KAZN: variants seen among roughly 807,000 people sequenced by gnomAD.
KAZN encodes the protein kazrin.
In KAZN, 40 loss-of-function variants were observed where a neutral mutation model predicts 87.4. That is an observed-to-expected ratio of 0.46 (90% CI 0.36 to 0.60). The LOEUF (loss-of-function observed/expected upper bound fraction) is 0.60, where lower values mean the gene tolerates loss of function less well. Among genes scored for constraint, KAZN ranks in the 20% least tolerant of loss-of-function variants. The probability of loss-of-function intolerance (pLI) is 0.00; values close to 1 mark genes in which losing one functional copy is unlikely to be tolerated. For missense variants in KAZN, 898 were observed against 1,073.9 expected, an observed-to-expected ratio of 0.84 and a Z score of 2.29; for synonymous variants, 466 against 458.3, an observed-to-expected ratio of 1.02 and a Z score of -0.22.
At chr1:14,475,436 G>A (rs542354086) in intron 2 of KAZN, among the ~76,000 whole-genome samples, 1 of 152,208 alleles carries the variant, frequency 6.6e-6, no homozygotes, top group Non-Finnish European at 1.5e-5. Flanking sequence ...GGACACAGTA[G>A]TCATTGTTAT....
intron 1 of KAZN, among the ~76,000 whole-genome samples, chr1:14,133,144 G>A (rs930286071): frequency 1.3e-5 from 2 of 152,028 alleles, no homozygotes; most frequent in South Asian, 2.1e-4. Flanking sequence ...CAAGGTGGGC[G>A]GATCATGAGG....
chr1:15,104,469 A>G (rs1266179202), intron 13 of KAZN, among the ~76,000 whole-genome samples: 1 of 152,202 alleles, frequency 6.6e-6, no homozygotes, highest in East Asian at 1.9e-4. Context: ...TAGAGAAGAG[A>G]TAGCAAGCAG....
intron 2 of KAZN, among the ~76,000 whole-genome samples, chr1:14,420,964 G>A (rs889227618): frequency 1.3e-5 from 2 of 148,598 alleles, no homozygotes; most frequent in African/African-American, 4.9e-5. Context: ...CGCCAGCCCA[G>A]AGAGGGGGCT....
intron 2 of KAZN, among the ~76,000 whole-genome samples, chr1:14,987,910 C>G (rs1666988548): frequency 2.0e-5 from 3 of 152,280 alleles, no homozygotes; most frequent in South Asian, 4.1e-4. Flanking sequence ...GCTGCAGAAG[C>G]CACAGGACAT....
chr1:14,159,195 A>G (rs895574594), intron 1 of KAZN, among the ~76,000 whole-genome samples: 2 of 152,194 alleles, frequency 1.3e-5, no homozygotes, highest in African/African-American at 2.4e-5. Flanking sequence ...CTTCAAGGTG[A>G]TGAGTTCCCC....
chr1:14,128,310 TGAGTCATGCTGTGTTAGTTTGCTAAGAGG>T (rs70997117), intron 1 of KAZN, among the ~76,000 whole-genome samples: 85,453 of 150,466 alleles, frequency 0.57, 25,499 homozygotes, highest in East Asian at 0.76. Flanking sequence ...ATCAGCTCAG[TGAGTCATGCTGTGTTAGTTTGCTAAGAGG>T]GAGTCATGCT....
At chr1:14,532,776 C>T (rs1015005140) in intron 2 of KAZN, among the ~76,000 whole-genome samples, 2 of 151,766 alleles carry the variant, frequency 1.3e-5, no homozygotes, top group African/African-American at 4.8e-5. Context: ...CAGTTTCATC[C>T]ATGTCCCTAC....
chr1:14,445,855 C>T (rs969934822), intron 2 of KAZN, among the ~76,000 whole-genome samples: 1 of 152,048 alleles, frequency 6.6e-6, no homozygotes, highest in African/African-American at 2.4e-5. Flanking sequence ...AGGGTTCCCG[C>T]CAGCAGGGAG....
At chr1:15,067,501 C>T in intron 8 of KAZN, 1 of 985,490 alleles carries the variant, frequency 1.0e-6, no homozygotes, top group Non-Finnish European at 1.2e-6. Flanking sequence ...TATTCTTTTG[C>T]TTCTGCTCGT....
At chr1:14,135,199 T>C (rs6700441) in intron 1 of KAZN, among the ~76,000 whole-genome samples, 87,138 of 152,042 alleles carry the variant, frequency 0.57, 26,268 homozygotes, top group East Asian at 0.76. Flanking sequence ...TGCTCATCTC[T>C]GCTTCCTTCA....
At chr1:14,028,410 T>C (rs1241294480) in intron 1 of KAZN, among the ~76,000 whole-genome samples, 1 of 152,158 alleles carries the variant, frequency 6.6e-6, no homozygotes, top group Non-Finnish European at 1.5e-5. Context: ...ATTTGTCTAC[T>C]ATCTAATCAC....
chr1:13,982,767 G>A (rs1209039362), intron 1 of KAZN, among the ~76,000 whole-genome samples: 3 of 152,214 alleles, frequency 2.0e-5, no homozygotes, highest in Non-Finnish European at 2.9e-5. Flanking sequence ...AGAGCAGCTA[G>A]ATACAGAGTG....
intron 1 of KAZN, among the ~76,000 whole-genome samples, chr1:14,757,356 C>T (rs1161994083): frequency 6.6e-6 from 1 of 152,156 alleles, no homozygotes; most frequent in African/African-American, 2.4e-5. Context: ...CAGCTGGCTA[C>T]TGAAACCGGA....
intron 2 of KAZN, among the ~76,000 whole-genome samples, chr1:14,243,676 ATAAT>A (rs1319186442): frequency 6.6e-6 from 1 of 152,212 alleles, no homozygotes; most frequent in Non-Finnish European, 1.5e-5. Context: ...AAACAAATAA[ATAAT>A]AAAAGAATTT....
intron 1 of KAZN, among the ~76,000 whole-genome samples, chr1:14,695,510 C>CTTTTTTTTTTTTTTTTTTTTTTTTTTTT (rs112667110): frequency 0.015 from 1,273 of 84,716 alleles, 259 homozygotes; most frequent in Middle Eastern, 0.025. Context: ...TACATTCCAT[C>CTTTTTTTTTTTTTTTTTTTTTTTTTTTT]TTTTTTTTTT....
intron 2 of KAZN, among the ~76,000 whole-genome samples, chr1:14,409,159 A>G (rs1183174647): frequency 1.3e-5 from 2 of 152,246 alleles, no homozygotes; most frequent in Admixed American, 6.5e-5. Flanking sequence ...GTTTGACAAA[A>G]TACAGTAGGC....
At chr1:14,046,246 T>C (rs1416147256) in intron 1 of KAZN, among the ~76,000 whole-genome samples, 1 of 152,118 alleles carries the variant, frequency 6.6e-6, no homozygotes, top group Admixed American at 6.5e-5. Flanking sequence ...AATGAAAAAT[T>C]AATTTAAAAT....
chr1:14,657,034 A>T (rs971724280), intron 1 of KAZN, among the ~76,000 whole-genome samples: 8 of 147,332 alleles, frequency 5.4e-5, no homozygotes, highest in Non-Finnish European at 1.0e-4. Flanking sequence ...TTCAAAGCCC[A>T]TGGTTTTAGG....
At chr1:13,896,276 C>T (rs183857791) in intron 1 of KAZN, among the ~76,000 whole-genome samples, 40 of 152,150 alleles carry the variant, frequency 2.6e-4, no homozygotes, top group East Asian at 1.2e-3. Flanking sequence ...AAAGTGTATA[C>T]GAATGGGCAT....
Sources: allele counts gnomAD v4.1 joint callset (sites outside exome capture counted in the v4.1 genomes callset), GRCh38; gene constraint gnomAD v4.1.1; transcripts MANE v1.5; gene names NCBI Gene and HGNC (gene_info 2026-07-23, HGNC 2026-07-21).